BABAM2: variants seen among roughly 807,000 people sequenced by gnomAD.
The protein encoded by BABAM2 is BRISC and BRCA1-A complex member 2.
BABAM2 carries 31 observed loss-of-function variants against 54.7 expected under a neutral mutation model. That is an observed-to-expected ratio of 0.57 (90% CI 0.43 to 0.77). BABAM2 has a LOEUF of 0.77. Among genes scored for constraint, BABAM2 ranks in the 30% least tolerant of loss-of-function variants. The pLI, the probability that BABAM2 is intolerant of heterozygous loss-of-function variation, is 0.00. For missense variants in BABAM2, 364 were observed against 455.8 expected, an observed-to-expected ratio of 0.80 and a Z score of 1.83; for synonymous variants, 167 against 162.9, an observed-to-expected ratio of 1.03 and a Z score of -0.19.
At chr2:28,129,087 A>G (rs1285075357) in intron 6 of BABAM2, among the ~76,000 whole-genome samples, 184 bp from the exon 7 acceptor site, 2 of 152,186 alleles carry the variant, frequency 1.3e-5, no homozygotes, top group Non-Finnish European at 2.9e-5. Context: ...TTGCTCAGAA[A>G]GTTTAAAATC....
rs193133190 is a variant in BABAM2 at position 28,289,512 on chromosome 2, G to A, written c.935-8826G>A. On this transcript the variant is annotated intron_variant, in intron 10 of 11. Coordinates refer to ENST00000379624, the MANE Select transcript of BABAM2 (RefSeq NM_199191.3). ...AAAAGAAATAGCACATTGTCAGGCC[G>A]GGCACAGAGGCTCATGCCTGTAATC... Among the ~76,000 whole-genome samples, 93 of 152,224 alleles carry A rather than the reference G, an allele frequency of 6.1e-4. No individual in the cohort carries two copies. In the East Asian group the frequency reaches 0.012, roughly 20 times the overall value.
At chr2:27,917,580 A>G (rs1667072904) in intron 2 of BABAM2, among the ~76,000 whole-genome samples, 1 of 152,050 alleles carries the variant, frequency 6.6e-6, no homozygotes, top group South Asian at 2.1e-4. Flanking sequence ...CGCTAATCCT[A>G]TTTATGAGGC....
chr2:28,183,739 T>TCA (rs1286120518), intron 7 of BABAM2, among the ~76,000 whole-genome samples: 1,781 of 133,202 alleles, frequency 0.013, 31 homozygotes, highest in African/African-American at 0.046. Flanking sequence ...TGGATGAAGA[T>TCA]CACACACACA....
chr2:28,064,935 G>A (rs1218270558), intron 6 of BABAM2, among the ~76,000 whole-genome samples: 2 of 151,750 alleles, frequency 1.3e-5, no homozygotes, highest in African/African-American at 2.4e-5. Flanking sequence ...CCTGGGAGGC[G>A]GAGGTTGCAG....
At chr2:28,233,583 A>T (rs1681622614) in intron 7 of BABAM2, among the ~76,000 whole-genome samples, 1 of 152,242 alleles carries the variant, frequency 6.6e-6, no homozygotes, top group Admixed American at 6.5e-5. Context: ...ATGAATCAGC[A>T]GCACTTATCA....
intron 4 of BABAM2, among the ~76,000 whole-genome samples, chr2:28,012,460 C>A (rs2148534468): frequency 6.6e-6 from 1 of 152,154 alleles, no homozygotes; most frequent in South Asian, 2.1e-4. Flanking sequence ...GACATTTTGT[C>A]CTAATAATAT....
chr2:28,137,185 G>A (rs1420930027), intron 7 of BABAM2, among the ~76,000 whole-genome samples: 3 of 152,068 alleles, frequency 2.0e-5, no homozygotes, highest in African/African-American at 4.8e-5. Context: ...TTTGTGTCAG[G>A]ATTTAAGTAA....
intron 2 of BABAM2, among the ~76,000 whole-genome samples, chr2:27,928,427 G>A (rs557451090): frequency 1.9e-4 from 29 of 151,284 alleles, no homozygotes; most frequent in African/African-American, 6.8e-4. Flanking sequence ...TGGGATTATA[G>A]GTGTGAGCCA....
At chr2:28,024,623 T>C (rs1675519426) in intron 4 of BABAM2, among the ~76,000 whole-genome samples, 1 of 152,120 alleles carries the variant, frequency 6.6e-6, no homozygotes, top group Non-Finnish European at 1.5e-5. Flanking sequence ...CCTTTTTCAC[T>C]TGGAGGAGTG....
chr2:28,140,278 G>A (rs182196916), intron 7 of BABAM2, among the ~76,000 whole-genome samples: 60 of 152,234 alleles, frequency 3.9e-4, no homozygotes, highest in African/African-American at 1.4e-3. Flanking sequence ...TATAAAAAAG[G>A]TAGCTTAAGG....
At chr2:28,065,901 G>A (rs1663485514) in intron 6 of BABAM2, among the ~76,000 whole-genome samples, 1 of 151,546 alleles carries the variant, frequency 6.6e-6, no homozygotes, top group Non-Finnish European at 1.5e-5. Context: ...AGCACTTTGG[G>A]AGGCCGAGGC....
intron 6 of BABAM2, among the ~76,000 whole-genome samples, chr2:28,092,112 A>G (rs1206716709): frequency 6.6e-6 from 1 of 152,194 alleles, no homozygotes; most frequent in Non-Finnish European, 1.5e-5. Context: ...ACAGAACTGA[A>G]TATTATTTTT....
intron 6 of BABAM2, among the ~76,000 whole-genome samples, chr2:28,053,766 A>G (rs1678175430): frequency 6.6e-6 from 1 of 152,074 alleles, no homozygotes; most frequent in South Asian, 2.1e-4. Flanking sequence ...CAAGATAGTA[A>G]AATTTTAGAC....
At chr2:28,163,843 G>A (rs1413085857) in intron 7 of BABAM2, among the ~76,000 whole-genome samples, 2 of 152,180 alleles carry the variant, frequency 1.3e-5, no homozygotes, top group Middle Eastern at 3.2e-3. Flanking sequence ...GAGAATTGAG[G>A]CCATCCACCC....
chr2:28,280,568 T>A (rs903541497), intron 10 of BABAM2, among the ~76,000 whole-genome samples: 3 of 152,158 alleles, frequency 2.0e-5, no homozygotes, highest in Non-Finnish European at 4.4e-5. Context: ...CAGATATAGT[T>A]AGATACAGAT....
chr2:28,201,585 T>C (rs1678276107), intron 7 of BABAM2, among the ~76,000 whole-genome samples: 1 of 152,146 alleles, frequency 6.6e-6, no homozygotes, highest in East Asian at 1.9e-4. Flanking sequence ...CAGGAGACCA[T>C]TGTTAATTTT....
chr2:28,160,050 T>C (rs1184111463), intron 7 of BABAM2, among the ~76,000 whole-genome samples: 1 of 152,160 alleles, frequency 6.6e-6, no homozygotes, highest in Non-Finnish European at 1.5e-5. Flanking sequence ...GGGCCAATCA[T>C]AGCTCACTGT....
At chr2:28,018,852 C>G (rs1270553957) in intron 4 of BABAM2, among the ~76,000 whole-genome samples, 2 of 152,094 alleles carry the variant, frequency 1.3e-5, no homozygotes, top group Admixed American at 1.3e-4. Context: ...AAACATTTTA[C>G]TTTAAGTTCT....
chr2:27,983,942 C>CTTTTTTTTTTTTTTTTTTTTTT lies in BABAM2; in HGVS notation c.206-4032_206-4031insTTTTTTTTTTTTTTTTTTTTTT. Among the ~76,000 whole-genome samples the CTTTTTTTTTTTTTTTTTTTTTT allele has an allele frequency of 6.7e-4, 21 of 31,154 alleles. 3 individuals carry two copies. The highest frequency in any genetic ancestry group is 1.0e-3 in the Non-Finnish European group (16 of 15,384). The allele number at this position is 31,154 out of a possible 152,430, so 20.4% of individuals were successfully genotyped here. A position where few individuals can be genotyped will look rare whatever the true frequency, so the allele number is the denominator to read the frequency against. Reference sequence around the variant, plus strand: ...TTTCCAATGTAGATACATTTTGTACCTTTTTTTTTTTTTTTTTTTGCCAAA... The same window carrying CTTTTTTTTTTTTTTTTTTTTTT: ...TTTCCAATGTAGATACATTTTGTACCTTTTTTTTTTTTTTTTTTTTTTTTTTTTTTTTTTTTTTTTTGCCAAA... On this transcript the variant is annotated intron_variant, in intron 3 of 11. Transcript: ENST00000379624.
Sources: gnomAD v4.1 joint callset for allele counts (sites outside exome capture counted in the v4.1 genomes callset) on GRCh38, gnomAD v4.1.1 for gene constraint, MANE v1.5 for transcripts, NCBI Gene and HGNC (gene_info 2026-07-23, HGNC 2026-07-21) for gene names.